The following GLT8D2 variants were observed in gnomAD, a reference collection of about 807,000 sequenced individuals.
GLT8D2 encodes glycosyltransferase 8 domain-containing protein 2.
In GLT8D2, 45 loss-of-function variants were observed where a neutral mutation model predicts 44.5. That is an observed-to-expected ratio of 1.01 (90% CI 0.80 to 1.30). GLT8D2 has a LOEUF of 1.30. GLT8D2 is among the 50% of genes most tolerant of loss of function. The probability of loss-of-function intolerance (pLI) is 0.00; values close to 1 mark genes in which losing one functional copy is unlikely to be tolerated. For missense variants in GLT8D2, 400 were observed against 430.4 expected, an observed-to-expected ratio of 0.93 and a Z score of 0.62; for synonymous variants, 156 against 157.2, an observed-to-expected ratio of 0.99 and a Z score of 0.06.
intron 1 of GLT8D2, among the ~76,000 whole-genome samples, chr12:104,047,305 C>CCT (rs1881263948): frequency 7.6e-6 from 1 of 130,880 alleles, no homozygotes; most frequent in South Asian, 2.4e-4. Context: ...TCTCTTAGGC[C>CCT]TTTTTTTTTT....
intron 1 of GLT8D2, among the ~76,000 whole-genome samples, chr12:104,027,080 A>G (rs922082409): frequency 1.3e-5 from 2 of 152,098 alleles, no homozygotes; most frequent in African/African-American, 4.8e-5. Context: ...ATTTGATTCA[A>G]CTCTTTAATT....
chr12:104,034,763 T>C (rs1478971002), intron 1 of GLT8D2, among the ~76,000 whole-genome samples: 1 of 152,266 alleles, frequency 6.6e-6, no homozygotes, highest in Non-Finnish European at 1.5e-5. Flanking sequence ...TAAACATCCC[T>C]GTCTGACAGC....
At chr12:103,998,502 C>T (rs551781123) in intron 6 of GLT8D2, among the ~76,000 whole-genome samples, 14 of 152,222 alleles carry the variant, frequency 9.2e-5, no homozygotes, top group African/African-American at 2.6e-4. Flanking sequence ...CTCCACCTCC[C>T]GGGTTCAAGC....
chr12:104,056,584 C>T (rs1197439244), intron 1 of GLT8D2, among the ~76,000 whole-genome samples: 3 of 152,218 alleles, frequency 2.0e-5, no homozygotes, highest in Admixed American at 6.5e-5. Flanking sequence ...TCAGACATTG[C>T]GTAAGTATAG....
At chr12:104,041,615 G>C (rs1445157274) in intron 1 of GLT8D2, among the ~76,000 whole-genome samples, 1 of 152,262 alleles carries the variant, frequency 6.6e-6, no homozygotes, top group East Asian at 1.9e-4. Context: ...GATGGGATAA[G>C]GGCCCAACCC....
chr12:104,062,001 A>C (rs996549377), intron 1 of GLT8D2, among the ~76,000 whole-genome samples: 2 of 151,244 alleles, frequency 1.3e-5, no homozygotes, highest in Non-Finnish European at 2.9e-5. Context: ...AAAATGGGTT[A>C]ATACTCAGTG....
rs868525631 is a variant in GLT8D2, at chr12:104,016,758, A to G, written c.20-1653T>C. Among the ~76,000 whole-genome samples the G allele has an allele frequency of 4.9e-3, 489 of 99,708 alleles. 16 individuals carry two copies. The highest frequency in any genetic ancestry group is 0.048 in the East Asian group (172 of 3,580). The allele number at this position is 99,708 out of a possible 152,430, so 65.4% of individuals were successfully genotyped here. On this transcript the variant is annotated intron_variant, in intron 3 of 10. Coordinates refer to ENST00000360814, the MANE Select transcript of GLT8D2 (RefSeq NM_001384711.1). ...AAGAAAGAAAGAAAGAAAGAAAGAAAGAAAGAAAGAAAGAAAGAAGGAAGG... is the reference window on the plus strand; with the variant it reads ...AAGAAAGAAAGAAAGAAAGAAAGAAGGAAAGAAAGAAAGAAAGAAGGAAGG...
chr12:104,015,102 T>C lies in GLT8D2; in HGVS notation c.23A>G (p.Asn8Ser), dbSNP rs1332843050. 6.2e-7 allele frequency: 1 copy of C among 1,610,916 alleles called. No homozygotes were observed. Among genetic ancestry groups the C allele is most frequent in the East Asian group, 2.2e-5 (1 of 44,854 alleles). The stretch of plus-strand genomic sequence containing the variant: ...GATCAGAAGGAACAGCAGCACCTGA[T>C]TAACTGAAATAGAAATGGAAACACA... MALLRKI[N>S]QVLLFLLIVT... Residue 8 changes from asparagine (N) to serine (S), a missense_variant, in exon 4 of 11, where the codon AAT becomes AGT. Asn to Ser is a conservative substitution (Grantham distance 46). Transcript: ENST00000360814.
upstream of GLT8D2, among the ~76,000 whole-genome samples, chr12:104,051,170 G>T (rs1310948998): frequency 1.3e-5 from 2 of 151,566 alleles, no homozygotes; most frequent in Non-Finnish European, 2.9e-5. Flanking sequence ...ACTCAGGCTG[G>T]AGTGCAGTGG....
At chr12:104,047,205 G>A (rs1881243428) in intron 1 of GLT8D2, among the ~76,000 whole-genome samples, 1 of 152,062 alleles carries the variant, frequency 6.6e-6, no homozygotes, top group African/African-American at 2.4e-5. Context: ...TCAAGGTGCT[G>A]GCAGATTCAG....
intron 1 of GLT8D2, among the ~76,000 whole-genome samples, chr12:104,022,671 G>C (rs1057113488): frequency 6.6e-6 from 1 of 151,874 alleles, no homozygotes; most frequent in African/African-American, 2.4e-5. Flanking sequence ...CTAATAAATA[G>C]CAGCTTTGGC....
intron 5 of GLT8D2, 112 bp from the exon 6 acceptor site, chr12:103,999,626 C>T (rs530384152): frequency 1.0e-5 from 7 of 696,132 alleles, no homozygotes; most frequent in East Asian, 7.5e-5. Flanking sequence ...TTAAAATGTG[C>T]GTAAATTTAG....
intron 1 of GLT8D2, among the ~76,000 whole-genome samples, chr12:104,046,471 T>A (rs1035723637): frequency 6.6e-6 from 1 of 152,234 alleles, no homozygotes; most frequent in African/African-American, 2.4e-5. Flanking sequence ...GCAGGCATCC[T>A]GGCTCTGAGT....
chr12:104,040,337 T>C (rs1232724067), intron 1 of GLT8D2, among the ~76,000 whole-genome samples: 1 of 152,142 alleles, frequency 6.6e-6, no homozygotes, highest in Non-Finnish European at 1.5e-5. Flanking sequence ...CTATCTTTGA[T>C]AACAGTATCT....
intron 1 of GLT8D2, among the ~76,000 whole-genome samples, chr12:104,045,919 G>GAAAGAAAGAAAGAAAGAA (rs1231217416): frequency 1.5e-5 from 2 of 134,384 alleles, no homozygotes; most frequent in Non-Finnish European, 3.3e-5. Flanking sequence ...AAGAAAGAAA[G>GAAAGAAAGAAAGAAAGAA]AAAGAAAGAA....
At chr12:104,014,471 G>A (rs992777889) in intron 4 of GLT8D2, 15 of 573,888 alleles carry the variant, frequency 2.6e-5, no homozygotes, top group East Asian at 5.7e-5. Flanking sequence ...ATTCACCCCC[G>A]AGGAGGGAAA....
intron 1 of GLT8D2, among the ~76,000 whole-genome samples, chr12:104,044,998 G>C (rs1439318878): frequency 1.3e-5 from 2 of 152,172 alleles, no homozygotes; most frequent in Non-Finnish European, 2.9e-5. Flanking sequence ...AAATATTTCA[G>C]CATATCTATC....
At chr12:104,064,297 T>C (rs919314254), upstream of GLT8D2, 1 of 385,542 alleles carries the variant, frequency 2.6e-6, no homozygotes, top group South Asian at 8.9e-5. The surrounding 1 kb of genome is among the most constrained non-coding windows in gnomAD (Gnocchi z 7.3). Context: ...ATGGGAGACG[T>C]GGTCAGTGGG....
intron 1 of GLT8D2, among the ~76,000 whole-genome samples, chr12:104,025,652 A>G (rs1327009861): frequency 1.3e-5 from 2 of 152,214 alleles, no homozygotes; most frequent in Non-Finnish European, 2.9e-5. Flanking sequence ...TAATTTTTGT[A>G]TATATCATGA....
Sources: gnomAD v4.1 joint callset for allele counts (sites outside exome capture counted in the v4.1 genomes callset) on GRCh38, gnomAD v4.1.1 for gene constraint, Gnocchi (gnomAD v3.1) non-coding constraint, MANE v1.5 for transcripts, NCBI Gene and HGNC (gene_info 2026-07-23, HGNC 2026-07-21) for gene names.